The following GLIS3 variants were observed in gnomAD, a reference collection of about 807,000 sequenced individuals.
The protein encoded by GLIS3 is zinc finger protein GLIS3.
Under a neutral mutation model 78.6 loss-of-function variants are expected in GLIS3, and 53 were observed. The observed-to-expected ratio is 0.67, with a 90% CI of 0.54 to 0.85. The LOEUF is 0.85. GLIS3 is among the 40% of genes least tolerant of loss of function. The pLI is 0.00. For synonymous variants in GLIS3, 684 were observed against 509.9 expected (o/e 1.34, Z -4.60); for missense variants, 1,703 against 1,231.1 (o/e 1.38, Z -5.74).
Position 4,118,777 on chromosome 9 carries a change from A to AG in GLIS3, c.700dup (p.Leu234ProfsTer14). On this transcript the variant is annotated frameshift_variant, in exon 4 of 11. Transcript: ENST00000381971. LOFTEE classifies it high-confidence loss of function. The surrounding 1 kb of genome is among the most constrained non-coding windows in gnomAD (Gnocchi z 4.7). ...AGAGCCGTGGTTGGAGAGCGAAGGG[A>AG]GGGCCCTGTAGCCCTGGGACCACTC... The AG allele has an allele frequency of 6.2e-7, 1 of 1,612,554 alleles. No homozygotes were observed. Among genetic ancestry groups the AG allele is most frequent in the Non-Finnish European group, 8.5e-7 (1 of 1,180,016 alleles).
intron 2 of GLIS3, among the ~76,000 whole-genome samples, chr9:4,218,307 G>A (rs569499933): frequency 3.3e-5 from 5 of 151,146 alleles, no homozygotes; most frequent in East Asian, 1.9e-4. Context: ...TTTTTGAGAT[G>A]GAGTCTCGCT....
intron 2 of GLIS3, among the ~76,000 whole-genome samples, chr9:4,199,975 G>C (rs1441863404): frequency 1.3e-5 from 2 of 152,060 alleles, no homozygotes; most frequent in South Asian, 2.1e-4. Context: ...GACCACAGTG[G>C]AATAAAAACA....
intron 6 of GLIS3, among the ~76,000 whole-genome samples, chr9:3,917,364 A>G (rs1824584607): frequency 6.6e-6 from 1 of 152,242 alleles, no homozygotes; most frequent in Admixed American, 6.5e-5. Flanking sequence ...AGGCACCCAG[A>G]AGAAAGGGTG....
At chr9:4,385,019 T>C in the GLIS3 span, among the ~76,000 whole-genome samples, 3 of 152,240 alleles carry the variant, frequency 2.0e-5, no homozygotes, top group African/African-American at 7.2e-5. Context: ...GGCAGATGCC[T>C]CAGCCTTTTA....
At chr9:3,930,324 A>AT (rs1825536685) in intron 6 of GLIS3, among the ~76,000 whole-genome samples, 1 of 152,232 alleles carries the variant, frequency 6.6e-6, no homozygotes, top group South Asian at 2.1e-4. Context: ...CTCCATTTAC[A>AT]TAAGACAAAA....
the GLIS3 span, among the ~76,000 whole-genome samples, chr9:4,393,468 C>A: frequency 6.6e-6 from 1 of 152,200 alleles, no homozygotes; most frequent in African/African-American, 2.4e-5. Context: ...CATATCCTCT[C>A]TTCATCCATT....
Position 3,824,144 on chromosome 9 carries a change from T to G in GLIS3, c.*4128A>C, listed in dbSNP as rs1431350229. The G allele has an allele frequency of 6.6e-6, 1 of 152,604 alleles. No homozygotes were observed. The highest frequency in any genetic ancestry group is 1.5e-5 in the Non-Finnish European group (1 of 68,036). The allele number at this position is 152,604 out of a possible 1,614,324, so 9.5% of individuals were successfully genotyped here. ...AACCAATAAAACATGTATAAAAGCT[T>G]TAATTAAATCTGATGAAATAAAACT... On this transcript the variant is annotated 3_prime_UTR_variant, in exon 11 of 11. Coordinates refer to ENST00000381971, the MANE Select transcript of GLIS3 (RefSeq NM_001042413.2).
chr9:3,885,238 T>C (rs997022032), intron 7 of GLIS3, among the ~76,000 whole-genome samples: 21 of 152,204 alleles, frequency 1.4e-4, no homozygotes, highest in Non-Finnish European at 2.1e-4. Flanking sequence ...GGAAGGGTTA[T>C]TCGTGAGCAA....
intron 4 of GLIS3, among the ~76,000 whole-genome samples, chr9:4,076,379 T>C (rs780185108): frequency 2.6e-5 from 4 of 152,346 alleles, no homozygotes; most frequent in East Asian, 1.9e-4. Context: ...TATTATACTA[T>C]GCATTCATCA....
At chr9:3,941,196 T>C (rs1310951421) in intron 4 of GLIS3, among the ~76,000 whole-genome samples, 1 of 152,098 alleles carries the variant, frequency 6.6e-6, no homozygotes, top group East Asian at 1.9e-4. Flanking sequence ...GTAAAGCATT[T>C]TGCAGAATCT....
intron 1 of GLIS3, among the ~76,000 whole-genome samples, chr9:4,347,867 G>A (rs1014459640): frequency 6.6e-6 from 1 of 152,030 alleles, no homozygotes. Context: ...TTTGACTGTG[G>A]CTCATTAGCC....
intron 4 of GLIS3, among the ~76,000 whole-genome samples, chr9:3,990,225 A>G (rs1436833416): frequency 2.0e-5 from 3 of 152,200 alleles, no homozygotes; most frequent in East Asian, 1.9e-4. Context: ...TCCATTAATC[A>G]TCACCAAAAA....
chr9:4,345,345 C>G (rs955689550), intron 2 of GLIS3, among the ~76,000 whole-genome samples: 1 of 152,214 alleles, frequency 6.6e-6, no homozygotes. Flanking sequence ...TCCCTCCTCC[C>G]TATCCTATCT....
intron 2 of GLIS3, chr9:4,152,321 G>C (rs998479869): frequency 2.0e-5 from 3 of 153,756 alleles, no homozygotes; most frequent in Non-Finnish European, 4.3e-5. Context: ...TGTAGGAGGA[G>C]GGGAATGGAA....
intron 2 of GLIS3, among the ~76,000 whole-genome samples, chr9:4,156,737 C>T (rs1293873197): frequency 6.6e-6 from 1 of 152,050 alleles, no homozygotes; most frequent in Non-Finnish European, 1.5e-5. Context: ...AAGTTTCATG[C>T]CCTTATCTGA....
the GLIS3 span, among the ~76,000 whole-genome samples, chr9:4,396,973 C>T: frequency 1.3e-5 from 2 of 151,726 alleles, no homozygotes; most frequent in Admixed American, 6.6e-5. Context: ...TCTCTTGTCT[C>T]CCATGTTATT....
At chr9:4,324,877 C>G (rs928850778) in intron 2 of GLIS3, among the ~76,000 whole-genome samples, 2 of 152,106 alleles carry the variant, frequency 1.3e-5, no homozygotes, top group Non-Finnish European at 2.9e-5. Flanking sequence ...GCTTTAAAAC[C>G]TAAAAGTTAT....
chr9:4,440,434 G>C, the GLIS3 span, among the ~76,000 whole-genome samples: 1 of 152,268 alleles, frequency 6.6e-6, no homozygotes, highest in South Asian at 2.1e-4. Flanking sequence ...TTATGGAAAA[G>C]ACTGACCTTT....
the GLIS3 span, among the ~76,000 whole-genome samples, chr9:4,392,941 T>C: frequency 2.0e-5 from 3 of 152,124 alleles, no homozygotes; most frequent in African/African-American, 7.2e-5. Flanking sequence ...TTGGATCTTT[T>C]TTTTTTTCCC....
Sources: gnomAD v4.1 joint callset for allele counts (sites outside exome capture counted in the v4.1 genomes callset) on GRCh38, gnomAD v4.1.1 for gene constraint, Gnocchi (gnomAD v3.1) non-coding constraint, MANE v1.5 for transcripts, NCBI Gene and HGNC (gene_info 2026-07-23, HGNC 2026-07-21) for gene names.